Variants in KCNH1 observed in about 807,000 individuals in gnomAD.
KCNH1 encodes voltage-gated delayed rectifier potassium channel KCNH1.
Under a neutral mutation model 69.2 loss-of-function variants are expected in KCNH1, and 27 were observed. That is an observed-to-expected ratio of 0.39 (90% CI 0.29 to 0.54). The LOEUF is 0.54. Ranked by LOEUF, KCNH1 falls within the 20% of genes least tolerant of loss-of-function variation. The pLI is 0.68. For synonymous variants in KCNH1, 456 were observed against 487.7 expected, an observed-to-expected ratio of 0.93 and a Z score of 0.86; for missense variants, 798 against 1,261.6, an observed-to-expected ratio of 0.63 and a Z score of 5.57.
intron 6 of KCNH1, among the ~76,000 whole-genome samples, chr1:211,010,510 G>A (rs1411921814): frequency 2.6e-5 from 4 of 151,676 alleles, no homozygotes; most frequent in African/African-American, 4.8e-5. Flanking sequence ...ACTCTGATTT[G>A]AACACAATGA....
At chr1:210,752,328 T>G (rs999819428) in intron 10 of KCNH1, among the ~76,000 whole-genome samples, 3 of 152,172 alleles carry the variant, frequency 2.0e-5, no homozygotes, top group Admixed American at 2.0e-4. Context: ...AGCTCATAAC[T>G]CCTGGCAGCC....
intron 7 of KCNH1, among the ~76,000 whole-genome samples, chr1:210,844,551 C>G (rs559453822): frequency 6.6e-6 from 1 of 152,238 alleles, no homozygotes; most frequent in Admixed American, 6.5e-5. Context: ...CACAACATAC[C>G]AGAATCTCTG....
chr1:211,017,000 T>C (rs1020767532), intron 6 of KCNH1, among the ~76,000 whole-genome samples: 7 of 151,704 alleles, frequency 4.6e-5, no homozygotes, highest in Non-Finnish European at 1.0e-4. Context: ...TTGTAAATGA[T>C]CAGTCTTGAC....
intron 7 of KCNH1, among the ~76,000 whole-genome samples, chr1:210,905,878 A>G (rs921696119): frequency 6.6e-6 from 1 of 152,198 alleles, no homozygotes; most frequent in Admixed American, 6.5e-5. Context: ...TATGTAAAAC[A>G]CTGTTTGCTC....
chr1:210,679,196 G>A lies in KCNH1; in HGVS notation c.*4085C>T, dbSNP rs890916134. ...GGTGAAGGTAATTTTTAATTGAAGC[G>A]AGTGAGAAGGCAGTATATAGAGCAA... On this transcript the variant is annotated 3_prime_UTR_variant, in exon 11 of 11. Transcript: ENST00000271751. 4.6e-5 allele frequency: 7 copies of A among 152,198 alleles called. No individual in the cohort carries two copies. The highest frequency in any genetic ancestry group is 3.3e-4 in the Admixed American group (5 of 15,286). 9.4% of individuals were successfully genotyped at this position (152,198 alleles called of 1,614,324 possible).
intron 5 of KCNH1, among the ~76,000 whole-genome samples, chr1:211,056,371 T>C (rs1328574782): frequency 6.6e-6 from 1 of 152,002 alleles, no homozygotes; most frequent in African/African-American, 2.4e-5. Context: ...TCAGCTACAA[T>C]AGAATAAAGC....
chr1:210,933,036 C>T (rs1034211100), intron 6 of KCNH1, among the ~76,000 whole-genome samples: 2 of 152,186 alleles, frequency 1.3e-5, no homozygotes, highest in Non-Finnish European at 2.9e-5. Flanking sequence ...CACATTTCAT[C>T]CAACAGCTGC....
intron 9 of KCNH1, among the ~76,000 whole-genome samples, chr1:210,786,470 C>G (rs1348286533): frequency 2.6e-5 from 4 of 152,142 alleles, no homozygotes; most frequent in Non-Finnish European, 4.4e-5. Flanking sequence ...TTATATCCCT[C>G]TCTCCTGGTC....
At chr1:211,012,727 T>C (rs561873151) in intron 6 of KCNH1, among the ~76,000 whole-genome samples, 16 of 152,190 alleles carry the variant, frequency 1.1e-4, no homozygotes, top group East Asian at 1.9e-4. Flanking sequence ...TCCAAACCCA[T>C]AGAATATATA....
At chr1:211,085,275 G>T (rs1030164839) in intron 4 of KCNH1, among the ~76,000 whole-genome samples, 1 of 152,112 alleles carries the variant, frequency 6.6e-6, no homozygotes, top group African/African-American at 2.4e-5. Flanking sequence ...GATGCCAGGT[G>T]TGTCCTGAGA....
chr1:210,749,743 T>TA (rs1391164462), intron 10 of KCNH1, among the ~76,000 whole-genome samples: 2 of 21,754 alleles, frequency 9.2e-5, no homozygotes, highest in East Asian at 0.02. Context: ...GGCTGCTCAC[T>TA]TTTTTTTTTT....
intron 10 of KCNH1, among the ~76,000 whole-genome samples, chr1:210,711,008 C>T (rs1191480811): frequency 1.3e-5 from 2 of 152,228 alleles, no homozygotes; most frequent in South Asian, 2.1e-4. Context: ...GTTCACCTGG[C>T]CGCTTCTGGA....
chr1:210,872,354 A>G (rs61848967), intron 7 of KCNH1, among the ~76,000 whole-genome samples: 26,039 of 152,036 alleles, frequency 0.17, 2,912 homozygotes, highest in Non-Finnish European at 0.26. Flanking sequence ...AGAAGCTTCA[A>G]TCTCCCTTCA....
intron 6 of KCNH1, among the ~76,000 whole-genome samples, chr1:210,944,614 T>G (rs906153510): frequency 4.6e-5 from 7 of 152,008 alleles, no homozygotes; most frequent in African/African-American, 1.7e-4. Flanking sequence ...CAGGGAAGGG[T>G]GCCTCATTTC....
chr1:211,063,906 A>G (rs1690481864), intron 5 of KCNH1, among the ~76,000 whole-genome samples: 2 of 152,374 alleles, frequency 1.3e-5, no homozygotes, highest in African/African-American at 4.8e-5. Flanking sequence ...TTATCTGATC[A>G]TTACACATTG....
chr1:210,906,778 A>C (rs549270740), intron 7 of KCNH1, among the ~76,000 whole-genome samples: 1 of 152,328 alleles, frequency 6.6e-6, no homozygotes, highest in African/African-American at 2.4e-5. Context: ...GTGGGAGAAG[A>C]GTGGCTCTAG....
chr1:210,760,734 G>C lies in KCNH1; in HGVS notation c.2112+14614C>G, dbSNP rs73069523. On this transcript the variant is annotated intron_variant, in intron 10 of 10. Transcript: ENST00000271751. ...TTACATGGATGGTAGCAGGCAAAGAGAGAGGGCTTGTGCAGGGAGATTCCT... is the reference window on the plus strand; with the variant it reads ...TTACATGGATGGTAGCAGGCAAAGACAGAGGGCTTGTGCAGGGAGATTCCT... Among the ~76,000 whole-genome samples the C allele has an allele frequency of 5.3e-3, 807 of 152,330 alleles. 6 individuals carry two copies. The highest frequency in any genetic ancestry group is 0.018 in the African/African-American group (765 of 41,570).
Position 210,683,769 on chromosome 1 carries a change from C to T in KCNH1, c.2482G>A (p.Gly828Arg), listed in dbSNP as rs752232888. ...CTTTTGCGCTTGGCACAATCGCCCC[C>T]GCCCCCCTTGGGGCCCAGGCACTCG... ...GSECLGPKGG[G>R]GDCAKRKSWA... Residue 828 changes from glycine (G) to arginine (R), a missense_variant, in exon 11 of 11, where the codon GGG becomes AGG. Gly to Arg is a moderately radical substitution (Grantham distance 125). Coordinates refer to ENST00000271751, the MANE Select transcript of KCNH1 (RefSeq NM_172362.3). This position sits in a 1 kb window ranked among gnomAD's most constrained non-coding sequence, Gnocchi z 5.7. The T allele has an allele frequency of 2.9e-5, 46 of 1,613,770 alleles. 2 individuals are homozygous for T. The highest frequency in any genetic ancestry group is 2.4e-4 in the South Asian group (22 of 91,096).
At chr1:211,008,680 T>C (rs767399605) in intron 6 of KCNH1, among the ~76,000 whole-genome samples, 6 of 152,228 alleles carry the variant, frequency 3.9e-5, no homozygotes, top group Non-Finnish European at 8.8e-5. Context: ...TAGGATAAAA[T>C]GGAGGAGAAC....
Sources: gnomAD v4.1 joint callset for allele counts (sites outside exome capture counted in the v4.1 genomes callset) on GRCh38, gnomAD v4.1.1 for gene constraint, Gnocchi (gnomAD v3.1) non-coding constraint, MANE v1.5 for transcripts, NCBI Gene and HGNC (gene_info 2026-07-23, HGNC 2026-07-21) for gene names.